Variants in RPS5 observed in about 807,000 individuals in gnomAD.
RPS5 encodes the protein ribosomal protein S5, also known as small ribosomal subunit protein uS7.
A neutral mutation model predicts 20.9 loss-of-function variants in RPS5; 2 were observed. The observed-to-expected ratio is 0.10, with a 90% confidence interval of 0.04 to 0.30. The LOEUF is 0.30. RPS5 is among the 10% of genes least tolerant of loss of function. RPS5 has a pLI of 1.00. For missense variants in RPS5, 122 were observed against 287.2 expected, an observed-to-expected ratio of 0.42 and a Z score of 4.16; for synonymous variants, 112 against 105.8, an observed-to-expected ratio of 1.06 and a Z score of -0.36.
chr19:58,389,989 G>T (rs1436723038), intron 2 of RPS5, among the ~76,000 whole-genome samples: 1 of 150,122 alleles, frequency 6.7e-6, no homozygotes, highest in Non-Finnish European at 1.5e-5. Context: ...CTGCCTCCTG[G>T]GTTCAAGCGA....
chr19:58,388,845 G>T (rs1188491552), intron 2 of RPS5, among the ~76,000 whole-genome samples: 2 of 151,866 alleles, frequency 1.3e-5, no homozygotes, highest in African/African-American at 2.4e-5. Flanking sequence ...TAGCCAGGAT[G>T]GTCTCGATCT....
At chr19:58,392,630 AACTG>A (rs2052371101) in intron 2 of RPS5, among the ~76,000 whole-genome samples, 1 of 151,882 alleles carries the variant, frequency 6.6e-6, no homozygotes, top group African/African-American at 2.4e-5. Flanking sequence ...AAAAAAAAAA[AACTG>A]AAGGGGTTGC....
chr19:58,392,971 C>T lies in RPS5; in HGVS notation c.109-5C>T. 1 of 1,612,766 alleles carries T rather than the reference C, an allele frequency of 6.2e-7. No individual in the cohort carries two copies. The highest frequency in any genetic ancestry group is 8.5e-7 in the Non-Finnish European group (1 of 1,179,012). On this transcript the variant is annotated splice_region_variant and splice_polypyrimidine_tract_variant and intron_variant, in intron 2 of 5. Coordinates refer to ENST00000196551, the MANE Select transcript of RPS5 (RefSeq NM_001009.4). ...CCCTTCATTTCCTGCTCCCTGCTGC[C>T]CCAGGATTACATTGCAGTGAAGGAG...
intron 5 of RPS5, 31 bp downstream of exon 5, chr19:58,394,626 T>C: frequency 6.2e-7 from 1 of 1,613,712 alleles, no homozygotes; most frequent in South Asian, 1.1e-5. Context: ...TGGGGGGTCT[T>C]AAGTTGGGCA....
At chr19:58,393,632 C>T (rs2052378083) in intron 4 of RPS5, 145 bp downstream of exon 4, 6 of 1,044,802 alleles carry the variant, frequency 5.7e-6, no homozygotes, top group Middle Eastern at 3.1e-4. Context: ...GATTCCCACC[C>T]TGCATAGGGG....
rs781667916 is a variant in RPS5 at position 58,393,406 on chromosome 19, G to A, written c.366G>A (p.Arg122=). The A allele has an allele frequency of 5.0e-6, 8 of 1,613,670 alleles. No homozygotes were observed. Among genetic ancestry groups the A allele is most frequent in the Non-Finnish European group, 6.8e-6 (8 of 1,180,042 alleles). Residue 122 remains arginine (R), a synonymous_variant, in exon 4 of 6, where the codon CGG becomes CGA. Coordinates refer to ENST00000196551, the MANE Select transcript of RPS5 (RefSeq NM_001009.4). ...LVNAIINSGP[R]EDSTRIGRAG... The stretch of plus-strand genomic sequence containing the variant: ...ACGCCATCATCAACAGTGGTCCCCG[G>A]GAGGACTCCACACGCATTGGGCGCG...
intron 2 of RPS5, chr19:58,388,640 T>TG (rs1568573129): frequency 1.3e-4 from 15 of 117,070 alleles, no homozygotes; most frequent in Non-Finnish European, 2.0e-4. Flanking sequence ...GCCGTAGTTT[T>TG]TTTTTTTTTT....
Position 58,393,083 on chromosome 19 carries a change from C to T in RPS5, c.216C>T (p.Leu72=), listed in dbSNP as rs201177783. 6.2e-7 allele frequency: 1 copy of T among 1,614,246 alleles called. No individual in the cohort carries two copies. Among genetic ancestry groups the T allele is most frequent in the East Asian group, 2.2e-5 (1 of 44,882 alleles). ...RKAQCPIVER[L]TNSMMMHGRN... Reference sequence around the variant, plus strand: ...CTCAGTGTCCCATTGTGGAGCGCCTCACTAACTCCATGATGATGCACGGCC... The same window carrying T: ...CTCAGTGTCCCATTGTGGAGCGCCTTACTAACTCCATGATGATGCACGGCC... The change falls in exon 3 of 6, where the codon CTC becomes CTT. Residue 72 remains leucine, a synonymous_variant. Coordinates refer to ENST00000196551, the MANE Select transcript of RPS5 (RefSeq NM_001009.4).
chr19:58,391,042 C>T (rs1262318580), intron 2 of RPS5, among the ~76,000 whole-genome samples: 1 of 152,158 alleles, frequency 6.6e-6, no homozygotes. Flanking sequence ...GCACATAGCT[C>T]CTTTCTTCCC....
chr19:58,393,316 T>A, intron 3 of RPS5, 43 bp from the exon 4 acceptor site: 1 of 1,609,470 alleles, frequency 6.2e-7, no homozygotes, highest in Non-Finnish European at 8.5e-7. Flanking sequence ...AGGGGAGGAA[T>A]GCATGGGGCT....
At chr19:58,390,899 T>C (rs1029996408) in intron 2 of RPS5, among the ~76,000 whole-genome samples, 1 of 152,168 alleles carries the variant, frequency 6.6e-6, no homozygotes, top group African/African-American at 2.4e-5. Context: ...AGAGTTTCAG[T>C]GTCCTGTGTT....
At chr19:58,390,066 T>C (rs567903792) in intron 2 of RPS5, among the ~76,000 whole-genome samples, 34 of 151,970 alleles carry the variant, frequency 2.2e-4, no homozygotes, top group Middle Eastern at 3.4e-3. Flanking sequence ...AGCTAATTTT[T>C]TTATTTTTAG....
At chr19:58,393,517 G>A in intron 4 of RPS5, 30 bp downstream of exon 4, 1 of 1,592,740 alleles carries the variant, frequency 6.3e-7, no homozygotes, top group Non-Finnish European at 8.5e-7. Context: ...ACGTGGCAGG[G>A]TGGACACAGC....
At position 58,394,720 on chromosome 19, in the gene RPS5, G is replaced by A; in HGVS notation, c.585G>A (p.Glu195=). Residue 195 remains glutamate (E), a synonymous_variant, in exon 6 of 6, where the codon GAG becomes GAA. Transcript: ENST00000196551. ...CCTATGCCATTAAGAAGAAGGACGAGCTGGAGCGTGTGGCCAAGTCCAACC... is the reference window on the plus strand; with the variant it reads ...CCTATGCCATTAAGAAGAAGGACGAACTGGAGCGTGTGGCCAAGTCCAACC... ...SNSYAIKKKD[E]LERVAKSNR 6.2e-7 allele frequency: 1 copy of A among 1,614,118 alleles called. No individual in the cohort carries two copies. Among genetic ancestry groups the A allele is most frequent in the Non-Finnish European group, 8.5e-7 (1 of 1,180,040 alleles).
In RPS5 at chr19:58,394,777, T is replaced by C; in HGVS notation, c.*27T>C. 2 of 1,612,540 alleles carry C rather than the reference T, an allele frequency of 1.2e-6. No individual in the cohort carries two copies. The highest frequency in any genetic ancestry group is 2.2e-5 in the East Asian group (1 of 44,866). On this transcript the variant is annotated 3_prime_UTR_variant, in exon 6 of 6. Transcript: ENST00000196551. ...TTTCCCAGCTGCTGCCCAATAAACC[T>C]GTCTGCCCTTTGGGGCAGTCCCAGC... is the stretch of plus-strand genomic sequence containing the variant.
intron 2 of RPS5, among the ~76,000 whole-genome samples, chr19:58,389,608 A>ATAT (rs756295914): frequency 4.1e-4 from 63 of 152,030 alleles, no homozygotes; most frequent in Admixed American, 1.0e-3. Flanking sequence ...AACATTTTAA[A>ATAT]TATTATTATT....
Position 58,393,121 on chromosome 19 carries a change from A to G in RPS5, c.254A>G (p.Lys85Arg), listed in dbSNP as rs1348064893. The part of the protein sequence containing the change: ...SMMMHGRNNG[K>R]KLMTVRIVKH... ...ATGATGCACGGCCGCAACAACGGCA[A>G]GAAGCTCATGACTGTGCGCATCGTC... Residue 85 changes from lysine to arginine, a missense_variant, in exon 3 of 6, where the codon AAG becomes AGG. Physicochemically the swap from Lys to Arg is conservative, Grantham distance 26 (BLOSUM62 2). Coordinates refer to ENST00000196551, the MANE Select transcript of RPS5 (RefSeq NM_001009.4). The G allele has an allele frequency of 6.2e-7, 1 of 1,614,150 alleles. No homozygotes were observed. Among genetic ancestry groups the G allele is most frequent in the Non-Finnish European group, 8.5e-7 (1 of 1,180,056 alleles).
chr19:58,388,735 C>T lies in RPS5; in HGVS notation c.108+490C>T, dbSNP rs139939549. On this transcript the variant is annotated intron_variant, in intron 2 of 5. Transcript: ENST00000196551. The stretch of plus-strand genomic sequence containing the variant: ...TGCCTACCGGGTTCACACCATTCTC[C>T]TGCCTCAGCCTCCTGAGTAGCTGGG... The T allele has an allele frequency of 8.1e-3, 2,484 of 305,862 alleles. 14 individuals are homozygous for T. Among genetic ancestry groups the T allele is most frequent in the Non-Finnish European group, 0.011 (1,884 of 169,330 alleles). The allele number at this position is 305,862 out of a possible 1,614,324, so 18.9% of individuals were successfully genotyped here.
intron 2 of RPS5, among the ~76,000 whole-genome samples, chr19:58,390,757 CTGT>C (rs916952919): frequency 3.9e-5 from 6 of 152,160 alleles, no homozygotes; most frequent in Non-Finnish European, 5.9e-5. Context: ...CAGGGCTCCA[CTGT>C]TGGGCCAAAC....
Sources: gnomAD v4.1 joint callset for allele counts (sites outside exome capture counted in the v4.1 genomes callset) on GRCh38, gnomAD v4.1.1 for gene constraint, MANE v1.5 for transcripts, NCBI Gene and HGNC (gene_info 2026-07-23, HGNC 2026-07-21) for gene names.